Variants in NID1 observed in about 807,000 individuals in gnomAD.
NID1 encodes nidogen 1.
A neutral mutation model predicts 130.6 loss-of-function variants in NID1; 76 were observed. The ratio of observed to expected loss-of-function variants is 0.58; its 90% confidence interval spans 0.48 to 0.70. The LOEUF is 0.70. NID1 is among the 30% of genes least tolerant of loss of function. The pLI, the probability that NID1 is intolerant of heterozygous loss-of-function variation, is 0.00. For missense variants in NID1, 1,517 were observed against 1,664.8 expected (o/e 0.91, Z 1.54); for synonymous variants, 665 against 675.1 (o/e 0.98, Z 0.23).
At chr1:236,020,710 G>T (rs1403654014) in intron 9 of NID1, among the ~76,000 whole-genome samples, 2 of 152,172 alleles carry the variant, frequency 1.3e-5, no homozygotes, top group African/African-American at 4.8e-5. Context: ...GAAGTGATCT[G>T]CTTAATGCAA....
chr1:236,060,740 C>A (rs567366807), intron 1 of NID1: 1 of 146,764 alleles, frequency 6.8e-6, no homozygotes, highest in African/African-American at 2.5e-5. Flanking sequence ...AGTTGATATA[C>A]AAACCCCCCA....
At chr1:236,037,950 A>C (rs1034546882) in intron 5 of NID1, among the ~76,000 whole-genome samples, 154 bp downstream of exon 5, 1 of 152,212 alleles carries the variant, frequency 6.6e-6, no homozygotes, top group Admixed American at 6.5e-5. Context: ...AGAATACGAG[A>C]AAAAATGAGG....
At chr1:236,009,204 T>C (rs1658336631) in intron 12 of NID1, among the ~76,000 whole-genome samples, 1 of 152,164 alleles carries the variant, frequency 6.6e-6, no homozygotes, top group South Asian at 2.1e-4. Context: ...TGAATGGCCT[T>C]AGTGGTGCCC....
In NID1 at chr1:235,979,923, C is replaced by G; in HGVS notation, c.3408G>C (p.Leu1136=). Residue 1136 remains leucine, a synonymous_variant, in exon 18 of 20, where the codon CTG becomes CTC. Transcript: ENST00000264187. The surrounding 1 kb of genome is among the most constrained non-coding windows in gnomAD (Gnocchi z 4.6). ...TGCGTCTGCTGGGCTGACTGGGGTTCAGGCATTCCGCCCGATTGGTGCCTG... is the reference window on the plus strand; with the variant it reads ...TGCGTCTGCTGGGCTGACTGGGGTTGAGGCATTCCGCCCGATTGGTGCCTG... ...VDAGTNRAEC[L]NPSQPSRRKA... is the part of the protein sequence containing the mutation. 1 of 1,614,076 alleles carries G rather than the reference C, an allele frequency of 6.2e-7. No individual in the cohort carries two copies. The highest frequency in any genetic ancestry group is 8.5e-7 in the Non-Finnish European group (1 of 1,179,978).
At chr1:236,057,984 A>T (rs2102852289) in intron 1 of NID1, among the ~76,000 whole-genome samples, 1 of 152,266 alleles carries the variant, frequency 6.6e-6, no homozygotes, top group Non-Finnish European at 1.5e-5. Context: ...TGGCAGCAGC[A>T]CGTTCCTTGC....
intron 1 of NID1, among the ~76,000 whole-genome samples, chr1:236,061,691 T>C (rs1349688233): frequency 6.6e-6 from 1 of 151,884 alleles, no homozygotes; most frequent in Non-Finnish European, 1.5e-5. Flanking sequence ...GTCTCATTTA[T>C]GAAGTATTCT....
intron 12 of NID1, among the ~76,000 whole-genome samples, chr1:236,001,512 C>G (rs914846458): frequency 1.3e-5 from 2 of 152,176 alleles, no homozygotes; most frequent in African/African-American, 2.4e-5. Context: ...ATTTACAAGT[C>G]AAGGGGGCAA....
In NID1 at chr1:235,990,916, C is replaced by T; in HGVS notation, c.2898G>A (p.Lys966=). The change falls in exon 14 of 20, where the codon AAG becomes AAA. Residue 966 remains lysine, a synonymous_variant. Transcript: ENST00000264187. ...CATGAAGGAACGCCTTTGCTTCTGTCTTCCTCATGGTATTTCCCTCCAGGG... is the reference window on the plus strand; with the variant it reads ...CATGAAGGAACGCCTTTGCTTCTGTTTTCCTCATGGTATTTCCCTCCAGGG... ...RLPLEGNTMR[K]TEAKAFLHVP... 1 of 1,614,168 alleles carries T rather than the reference C, an allele frequency of 6.2e-7. No individual in the cohort carries two copies. Among genetic ancestry groups the T allele is most frequent in the Admixed American group, 1.7e-5 (1 of 60,014 alleles).
intron 15 of NID1, 40 bp from the exon 16 acceptor site, chr1:235,981,822 T>C (rs1443798418): frequency 2.6e-6 from 4 of 1,554,734 alleles, no homozygotes; most frequent in Admixed American, 2.0e-5. Context: ...TTTTTTGTTT[T>C]CTAAGCAGCT....
At chr1:236,032,339 C>A (rs1659121768) in intron 6 of NID1, 62 bp downstream of exon 6, 2 of 1,573,312 alleles carry the variant, frequency 1.3e-6, no homozygotes, top group Non-Finnish European at 1.7e-6. Flanking sequence ...TCCATCCATC[C>A]CCAGGCCTCC....
In NID1 at chr1:235,979,186, C is replaced by A; in HGVS notation, c.3510-79G>T. ...TATCTAAACAAGGCAGCCTCTTTGTCATTTTGAGGATAAACTGGAGGCCAT... is the reference window on the plus strand; with the variant it reads ...TATCTAAACAAGGCAGCCTCTTTGTAATTTTGAGGATAAACTGGAGGCCAT... On this transcript the variant is annotated intron_variant, in intron 18 of 19. Transcript: ENST00000264187. The surrounding 1 kb of genome is among the most constrained non-coding windows in gnomAD (Gnocchi z 4.6). 3 of 899,158 alleles carry A rather than the reference C, an allele frequency of 3.3e-6. No homozygotes were observed. In the South Asian group the frequency reaches 4.3e-5, roughly 13 times the overall value. 55.7% of individuals were successfully genotyped at this position (899,158 alleles called of 1,614,324 possible). A position where few individuals can be genotyped will look rare whatever the true frequency, so the allele number is the denominator to read the frequency against.
At position 235,977,603 on chromosome 1, in the gene NID1, C is replaced by G; in HGVS notation, c.*264G>C. The G allele has an allele frequency of 2.4e-6, 1 of 410,096 alleles. No homozygotes were observed. The highest frequency in any genetic ancestry group is 4.5e-6 in the Non-Finnish European group (1 of 223,400). 25.4% of individuals were successfully genotyped at this position (410,096 alleles called of 1,614,324 possible). A position where few individuals can be genotyped will look rare whatever the true frequency, so the allele number is the denominator to read the frequency against. ...GACACTGGGATGGGCATGTAATCCT[C>G]ACTCAGGGGTGTATAAGTCTGTCTG... On this transcript the variant is annotated 3_prime_UTR_variant, in exon 20 of 20. Coordinates refer to ENST00000264187, the MANE Select transcript of NID1 (RefSeq NM_002508.3).
intron 6 of NID1, among the ~76,000 whole-genome samples, 190 bp downstream of exon 6, chr1:236,032,211 T>C (rs1167213715): frequency 1.3e-5 from 2 of 152,186 alleles, no homozygotes; most frequent in Admixed American, 1.3e-4. Flanking sequence ...ATGATAATAT[T>C]ACATGTTCAT....
At position 235,991,007 on chromosome 1, in the gene NID1, G is replaced by A. The variant is rs1572580116; in HGVS notation, c.2807C>T (p.Ala936Val). 6.2e-7 allele frequency: 1 copy of A among 1,613,098 alleles called. No individual in the cohort carries two copies. Among genetic ancestry groups the A allele is most frequent in the East Asian group, 2.2e-5 (1 of 44,886 alleles). ...GGTCCCAGGAGGCAAGGGGATCACG[G>A]CGGTAGGCACCGCAGGTCCTTGGTG... ...PIHQGPAVPTAVIPLPPGTHL... is the reference protein window; with the variant it reads ...PIHQGPAVPTVVIPLPPGTHL... The change falls in exon 14 of 20, where the codon GCC becomes GTC. Residue 936 changes from alanine (A) to valine (V), a missense_variant. Transcript: ENST00000264187.
chr1:236,055,507 T>C (rs1464121993), intron 1 of NID1, among the ~76,000 whole-genome samples: 2 of 151,546 alleles, frequency 1.3e-5, no homozygotes, highest in Non-Finnish European at 2.9e-5. Flanking sequence ...ATATAACAGG[T>C]CTGGTGCAGT....
intron 14 of NID1, among the ~76,000 whole-genome samples, 178 bp from the exon 15 acceptor site, chr1:235,985,683 C>T (rs1480448814): frequency 6.6e-6 from 1 of 151,800 alleles, no homozygotes; most frequent in Non-Finnish European, 1.5e-5. Flanking sequence ...GAAAAAACTC[C>T]TGTCATATAC....
chr1:236,017,163 C>T lies in NID1; in HGVS notation c.2239G>A (p.Glu747Lys). The T allele has an allele frequency of 1.2e-6, 2 of 1,614,164 alleles. No homozygotes were observed. Among genetic ancestry groups the T allele is most frequent in the Non-Finnish European group, 1.7e-6 (2 of 1,180,010 alleles). ...GAGAACTTACCCACACACGTTCCCTCATCTGAAAACTGGTAGCCCTCCACA... is the reference window on the plus strand; with the variant it reads ...GAGAACTTACCCACACACGTTCCCTTATCTGAAAACTGGTAGCCCTCCACA... ...ECVEGYQFSD[E>K]GTCVAVVDQR... Residue 747 changes from glutamate (E) to lysine (K), a missense_variant, in exon 10 of 20, where the codon GAG (glutamate) becomes AAG (lysine). Around this residue, in one of 3 missense-constraint regions of NID1, gnomAD observed 1,329 missense variants for 1,429.2 expected, o/e 0.93. Coordinates refer to ENST00000264187, the MANE Select transcript of NID1 (RefSeq NM_002508.3).
rs1658487418 is a variant in NID1, at chr1:236,013,348, ACAGGTACCACC to A, written c.2404+52_2404+62del. 3.2e-6 allele frequency: 5 copies of A among 1,574,652 alleles called. No homozygotes were observed. The Admixed American group carries it at 8.5e-5, about 27-fold the overall frequency. ...GGAGTGAGTTGGTGATTGGCACATG[ACAGGTACCACC>A]TAGGAAACTTTCTCAGGTTACACAC... On this transcript the variant is annotated intron_variant, in intron 11 of 19. Transcript: ENST00000264187.
At chr1:235,995,605 T>C (rs1657897794) in intron 12 of NID1, among the ~76,000 whole-genome samples, 1 of 152,212 alleles carries the variant, frequency 6.6e-6, no homozygotes. Context: ...CCATGTCTTG[T>C]TGCCTCTCCC....
Sources: allele counts gnomAD v4.1 joint callset (sites outside exome capture counted in the v4.1 genomes callset), GRCh38; gene constraint gnomAD v4.1.1; regional missense constraint gnomAD v4.1.1; non-coding constraint Gnocchi (gnomAD v3.1); transcripts MANE v1.5; gene names NCBI Gene and HGNC (gene_info 2026-07-23, HGNC 2026-07-21).